Variants in SRGAP2 observed in about 807,000 individuals in gnomAD.
The protein encoded by SRGAP2 is SLIT-ROBO Rho GTPase-activating protein 2.
SRGAP2 carries 15 observed loss-of-function variants against 57.2 expected under a neutral mutation model. That is an observed-to-expected ratio of 0.26 (90% CI 0.18 to 0.40). The LOEUF (loss-of-function observed/expected upper bound fraction) is 0.40. Ranked by LOEUF, SRGAP2 falls within the 10% of genes least tolerant of loss-of-function variation. SRGAP2 has a pLI of 1.00. For synonymous variants in SRGAP2, 249 were observed against 248.0 expected, an observed-to-expected ratio of 1.00 and a Z score of -0.04; for missense variants, 520 against 669.6, an observed-to-expected ratio of 0.78 and a Z score of 2.47.
At chr1:206,389,975 T>C (rs1303071911) in intron 5 of SRGAP2, among the ~76,000 whole-genome samples, 7 of 151,400 alleles carry the variant, frequency 4.6e-5, no homozygotes, top group Non-Finnish European at 1.0e-4. Context: ...CATTTACATA[T>C]GTATATGTAC....
chr1:206,255,453 A>G lies in SRGAP2; in HGVS notation c.68-47828A>G, dbSNP rs539843824. Among the ~76,000 whole-genome samples the G allele has an allele frequency of 3.1e-3, 429 of 138,718 alleles. 5 individuals are homozygous for G. Among genetic ancestry groups the G allele is most frequent in the African/African-American group, 0.011 (405 of 36,890 alleles). The allele number at this position is 138,718 out of a possible 152,430, so 91.0% of individuals were successfully genotyped here. On this transcript the variant is annotated intron_variant, in intron 2 of 22. Coordinates refer to ENST00000573034, the MANE Select transcript of SRGAP2 (RefSeq NM_015326.5). ...AGGGAGTAGCATACTCTGGCTCTGTATCATTGGCAAAGGGATTTAAGGTTA... is the reference window on the plus strand; with the variant it reads ...AGGGAGTAGCATACTCTGGCTCTGTGTCATTGGCAAAGGGATTTAAGGTTA...
chr1:206,339,006 C>T (rs1171528737), intron 3 of SRGAP2, among the ~76,000 whole-genome samples: 4 of 151,572 alleles, frequency 2.6e-5, no homozygotes, highest in Admixed American at 6.6e-5. Context: ...GTTTGATATT[C>T]GTTTCAGCAT....
intron 2 of SRGAP2, among the ~76,000 whole-genome samples, chr1:206,229,576 G>GA (rs1283388773): frequency 1.3e-5 from 2 of 152,174 alleles, no homozygotes; most frequent in East Asian, 3.9e-4. Context: ...GCAGTTCCTT[G>GA]AAAAGAAGGA....
intron 13 of SRGAP2, among the ~76,000 whole-genome samples, chr1:206,428,932 G>A (rs1332307366): frequency 2.0e-5 from 3 of 152,126 alleles, no homozygotes; most frequent in Non-Finnish European, 4.4e-5. Context: ...ACAGGTGTGA[G>A]CGACCGCACC....
Position 206,374,108 on chromosome 1 carries a change from T to G in SRGAP2, c.424-9906T>G, listed in dbSNP as rs542313095. Among the ~76,000 whole-genome samples the G allele has an allele frequency of 3.1e-4, 44 of 143,882 alleles. No individual in the cohort carries two copies. The East Asian group carries it at 7.9e-3, about 26-fold the overall frequency. 94.4% of individuals were successfully genotyped at this position (143,882 alleles called of 152,430 possible). ...GGTGGGATTTCGGCTCACTGCAAGC[T>G]CCGCCTCCCGGGTTCACGCCATTCT... On this transcript the variant is annotated intron_variant, in intron 4 of 22. Coordinates refer to ENST00000573034, the MANE Select transcript of SRGAP2 (RefSeq NM_015326.5).
chr1:206,453,790 A>G (rs183411110), intron 20 of SRGAP2: 184 of 293,066 alleles, frequency 6.3e-4, no homozygotes, highest in African/African-American at 3.9e-3. Context: ...GCTCACCCCA[A>G]CCTGTTGAGC....
intron 11 of SRGAP2, among the ~76,000 whole-genome samples, chr1:206,416,999 T>C (rs1303664937): frequency 6.6e-6 from 1 of 152,228 alleles, no homozygotes; most frequent in African/African-American, 2.4e-5. Context: ...TCACTTCTTA[T>C]TATACCAGAA....
At position 206,393,656 on chromosome 1, in the gene SRGAP2, C is replaced by T; in HGVS notation, c.814C>T (p.Leu272=). The part of the protein sequence containing the change: ...ASVFKYYIHD[L]SDLIDQCCDL... Reference sequence around the variant, plus strand: ...TGTCTTCAAGTACTACATCCATGACCTATCTGACCTTATTGATGTAAGTGC... The same window carrying T: ...TGTCTTCAAGTACTACATCCATGACTTATCTGACCTTATTGATGTAAGTGC... Residue 272 remains leucine, a synonymous_variant, in exon 7 of 23, where the codon CTA becomes TTA. Transcript: ENST00000573034. The T allele has an allele frequency of 1.4e-6, 1 of 709,162 alleles. No individual in the cohort carries two copies. Among genetic ancestry groups the T allele is most frequent in the East Asian group, 2.6e-5 (1 of 38,980 alleles). The allele number at this position is 709,162 out of a possible 1,614,324, so 43.9% of individuals were successfully genotyped here.
intron 8 of SRGAP2, among the ~76,000 whole-genome samples, chr1:206,404,774 C>G (rs1452802705): frequency 1.3e-5 from 2 of 152,202 alleles, no homozygotes; most frequent in East Asian, 3.9e-4. Context: ...AATCAAAGCT[C>G]TCATGCATGG....
At chr1:206,364,553 G>A (rs1404705041) in intron 4 of SRGAP2, among the ~76,000 whole-genome samples, 3 of 151,808 alleles carry the variant, frequency 2.0e-5, no homozygotes, top group East Asian at 1.9e-4. Context: ...CACCCGCCTC[G>A]GCCTCCCAAA....
At chr1:206,365,273 T>C (rs1653879578) in intron 4 of SRGAP2, among the ~76,000 whole-genome samples, 12 of 145,256 alleles carry the variant, frequency 8.3e-5, no homozygotes, top group Admixed American at 8.3e-4. Flanking sequence ...GGATAGGGAG[T>C]TGAGCTTTTT....
chr1:206,464,364 G>GTCACT lies in SRGAP2; in HGVS notation c.*2945_*2949dup, dbSNP rs1408042285. 14 of 152,642 alleles carry GTCACT rather than the reference G, an allele frequency of 9.2e-5. No homozygotes were observed. Among genetic ancestry groups the GTCACT allele is most frequent in the South Asian group, 4.1e-4 (2 of 4,834 alleles). The allele number at this position is 152,642 out of a possible 1,614,324, so 9.5% of individuals were successfully genotyped here. On this transcript the variant is annotated 3_prime_UTR_variant, in exon 23 of 23. Coordinates refer to ENST00000573034, the MANE Select transcript of SRGAP2 (RefSeq NM_015326.5). ...AGATGCTTTGTGTGAACCTAAGACT[G>GTCACT]TCACTCAACAGATGTTGGATTGGGG...
At chr1:206,386,007 A>G (rs12069195) in intron 5 of SRGAP2, among the ~76,000 whole-genome samples, 3,833 of 152,336 alleles carry the variant, frequency 0.025, 79 homozygotes, top group African/African-American at 0.058. Context: ...GGCACTAGGA[A>G]GTTTCAGAGA....
At chr1:206,260,622 A>G (rs1160280741) in intron 2 of SRGAP2, among the ~76,000 whole-genome samples, 1 of 152,190 alleles carries the variant, frequency 6.6e-6, no homozygotes, top group Non-Finnish European at 1.5e-5. Flanking sequence ...CCTTAACAGT[A>G]TGTCTTGGGG....
chr1:206,327,670 T>A (rs1184269839), intron 3 of SRGAP2, among the ~76,000 whole-genome samples: 12 of 116,864 alleles, frequency 1.0e-4, no homozygotes, highest in East Asian at 9.3e-4. Context: ...TTTATTTATT[T>A]TTTATTTATT....
chr1:206,307,776 C>T (rs1228508220), intron 3 of SRGAP2, among the ~76,000 whole-genome samples: 8 of 152,276 alleles, frequency 5.3e-5, no homozygotes, highest in South Asian at 4.1e-4. Flanking sequence ...CACGCCCACC[C>T]GGAACTCCAG....
chr1:206,419,477 A>G, intron 12 of SRGAP2, 77 bp downstream of exon 12: 1 of 777,356 alleles, frequency 1.3e-6, no homozygotes, highest in East Asian at 2.4e-5. Context: ...GGAGAGAGCC[A>G]AGGAGTTGAG....
At chr1:206,354,157 C>T (rs1676256390) in intron 4 of SRGAP2, among the ~76,000 whole-genome samples, 1 of 152,064 alleles carries the variant, frequency 6.6e-6, no homozygotes, top group Non-Finnish European at 1.5e-5. Flanking sequence ...TGATTTTCCT[C>T]TTGACTTTTT....
At chr1:206,277,851 CGCT>C (rs1390654840) in intron 2 of SRGAP2, among the ~76,000 whole-genome samples, 4 of 151,948 alleles carry the variant, frequency 2.6e-5, no homozygotes, top group Non-Finnish European at 5.9e-5. Context: ...TGGTGGTGCA[CGCT>C]TGTAATCCCA....
Sources: allele counts gnomAD v4.1 joint callset (sites outside exome capture counted in the v4.1 genomes callset), GRCh38; gene constraint gnomAD v4.1.1; transcripts MANE v1.5; gene names NCBI Gene and HGNC (gene_info 2026-07-23, HGNC 2026-07-21).